ZNF469: variants seen among roughly 807,000 people sequenced by gnomAD.
The protein encoded by ZNF469 is zinc finger protein 469.
In ZNF469, 1 loss-of-function variant was observed where a neutral mutation model predicts 1.0. The observed-to-expected ratio is 1.00, with a 90% CI of 0.35 to 4.73. The LOEUF (loss-of-function observed/expected upper bound fraction) is 4.73. Among genes scored for constraint, ZNF469 ranks in the 30% most tolerant of loss-of-function variants. The pLI, the probability that ZNF469 is intolerant of heterozygous loss-of-function variation, is 0.16. For missense variants in ZNF469, 6,100 were observed against 5,356.3 expected (o/e 1.14, Z -4.33); for synonymous variants, 2,703 against 2,363.4 (o/e 1.14, Z -4.17).
At chr16:88,398,356 C>T (rs1213584966) in intron 1 of ZNF469, among the ~76,000 whole-genome samples, 1 of 151,774 alleles carries the variant, frequency 6.6e-6, no homozygotes. Context: ...ACACGTGAGC[C>T]ACGGATGAAG....
At chr16:88,120,534 G>T in the ZNF469 span, among the ~76,000 whole-genome samples, 1 of 152,262 alleles carries the variant, frequency 6.6e-6, no homozygotes, top group South Asian at 2.1e-4. Context: ...GGCAGTTGCA[G>T]GCGGCCGGAT....
At chr16:88,407,921 C>T (rs1373746594) in intron 1 of ZNF469, among the ~76,000 whole-genome samples, 4 of 152,238 alleles carry the variant, frequency 2.6e-5, no homozygotes, top group Non-Finnish European at 4.4e-5. Context: ...CATGCCTGCA[C>T]GTGTGTGCCT....
the ZNF469 span, among the ~76,000 whole-genome samples, chr16:88,238,894 C>T: frequency 5.3e-5 from 8 of 152,216 alleles, no homozygotes; most frequent in African/African-American, 1.7e-4. Context: ...TGCCCCTCAG[C>T]CTTGTGGAGA....
intron 1 of ZNF469, among the ~76,000 whole-genome samples, chr16:88,420,175 A>T (rs1252668578): frequency 6.6e-6 from 1 of 152,228 alleles, no homozygotes; most frequent in Non-Finnish European, 1.5e-5. Flanking sequence ...CCTCGCCTGG[A>T]ACCCCACGCT....
the ZNF469 span, chr16:88,234,733 CG>C: frequency 6.6e-6 from 1 of 152,234 alleles, no homozygotes; most frequent in Non-Finnish European, 1.5e-5. Context: ...GCAGTGCTCT[CG>C]TCACAGAGCA....
the ZNF469 span, among the ~76,000 whole-genome samples, chr16:88,223,940 C>T: frequency 8.0e-4 from 122 of 152,208 alleles, no homozygotes; most frequent in Non-Finnish European, 4.6e-4. Flanking sequence ...GAACATGTGC[C>T]GAATGAACGA....
the ZNF469 span, among the ~76,000 whole-genome samples, chr16:88,364,581 T>C: frequency 6.6e-6 from 1 of 151,736 alleles, no homozygotes; most frequent in Non-Finnish European, 1.5e-5. Context: ...TCAACGTCTT[T>C]CCATTAGAGT....
chr16:88,205,348 T>G, the ZNF469 span, among the ~76,000 whole-genome samples: 1 of 152,084 alleles, frequency 6.6e-6, no homozygotes, highest in East Asian at 1.9e-4. This position sits in a 1 kb window ranked among gnomAD's most constrained non-coding sequence, Gnocchi z 4.2. Context: ...TCGAGGAGGC[T>G]CCTAAAGGGT....
At chr16:88,109,423 C>T in the ZNF469 span, among the ~76,000 whole-genome samples, 11 of 152,258 alleles carry the variant, frequency 7.2e-5, no homozygotes, top group Admixed American at 1.3e-4. Context: ...GGCTTCTCCC[C>T]GGCAGCCTCC....
the ZNF469 span, among the ~76,000 whole-genome samples, chr16:88,201,181 C>A: frequency 6.6e-6 from 1 of 152,266 alleles, no homozygotes; most frequent in Non-Finnish European, 1.5e-5. The surrounding 1 kb of genome is among the most constrained non-coding windows in gnomAD (Gnocchi z 5.0). Context: ...ACCTCTTTTC[C>A]AGAACGGGGC....
chr16:88,259,404 G>C, the ZNF469 span, among the ~76,000 whole-genome samples: 1 of 152,178 alleles, frequency 6.6e-6, no homozygotes, highest in African/African-American at 2.4e-5. The surrounding 1 kb of genome is among the most constrained non-coding windows in gnomAD (Gnocchi z 4.1). Context: ...GTTTCCAGCC[G>C]GGCTGCTCAG....
At chr16:88,317,986 C>T in the ZNF469 span, among the ~76,000 whole-genome samples, 1 of 152,262 alleles carries the variant, frequency 6.6e-6, no homozygotes, top group Admixed American at 6.5e-5. Context: ...GGCCTTTCCT[C>T]CTGCTTCCTC....
chr16:88,379,830 T>C (rs748636515), upstream of ZNF469, among the ~76,000 whole-genome samples: 3 of 152,022 alleles, frequency 2.0e-5, no homozygotes, highest in Non-Finnish European at 2.9e-5. Flanking sequence ...AGGTTGCTAG[T>C]CCTCCCTGTG....
chr16:88,240,479 A>T, the ZNF469 span, among the ~76,000 whole-genome samples: 1 of 152,124 alleles, frequency 6.6e-6, no homozygotes, highest in Non-Finnish European at 1.5e-5. Flanking sequence ...GGGCATGCTG[A>T]CCGCCTGGCC....
the ZNF469 span, among the ~76,000 whole-genome samples, chr16:88,180,172 A>T: frequency 6.6e-6 from 1 of 152,218 alleles, no homozygotes; most frequent in Non-Finnish European, 1.5e-5. Context: ...CGGAAAAATT[A>T]TTTAAAAAGA....
chr16:88,206,031 G>T, the ZNF469 span, among the ~76,000 whole-genome samples: 1 of 152,184 alleles, frequency 6.6e-6, no homozygotes, highest in Non-Finnish European at 1.5e-5. Context: ...GGGCGCCCAG[G>T]CCTGCAGCCC....
At chr16:88,366,078 CA>C in the ZNF469 span, among the ~76,000 whole-genome samples, 3 of 122,908 alleles carry the variant, frequency 2.4e-5, no homozygotes, top group African/African-American at 9.9e-5. Flanking sequence ...GTGAGGCCAC[CA>C]TCATCACCAT....
chr16:88,433,212 G>A lies in ZNF469; in HGVS notation c.5742G>A (p.Lys1914=). Residue 1914 remains lysine, a synonymous_variant, in exon 3 of 3, where the codon AAG becomes AAA. Coordinates refer to ENST00000565624, the MANE Select transcript of ZNF469 (RefSeq NM_001367624.2). ...QLQLPGPGVA[K]SKDGILGLQE... Reference sequence around the variant, plus strand: ...AGCTCCCAGGGCCTGGAGTGGCTAAGAGTAAAGATGGCATCCTGGGCTTGC... The same window carrying A: ...AGCTCCCAGGGCCTGGAGTGGCTAAAAGTAAAGATGGCATCCTGGGCTTGC... 3.2e-6 allele frequency: 5 copies of A among 1,550,304 alleles called. No individual in the cohort carries two copies. Among genetic ancestry groups the A allele is most frequent in the Non-Finnish European group, 4.4e-6 (5 of 1,146,938 alleles).
chr16:88,438,149 C>G lies in ZNF469; in HGVS notation c.10679C>G (p.Ala3560Gly). The G allele has an allele frequency of 6.5e-7, 1 of 1,550,268 alleles. No individual in the cohort carries two copies. The highest frequency in any genetic ancestry group is 1.4e-5 in the African/African-American group (1 of 73,176). ...CCGCCGTCTCTGTCTCCCTTCCCAG[C>G]TGCCTTGGCTGATGGCAGAGGAGAC... ...CPPPSLSPFPAALADGRGDCA... is the reference protein window; with the variant it reads ...CPPPSLSPFPGALADGRGDCA... Residue 3560 changes from alanine to glycine, a missense_variant, in exon 3 of 3, where the codon GCT becomes GGT. Ala to Gly is a moderately conservative substitution (Grantham distance 60). Transcript: ENST00000565624.
Sources: allele counts gnomAD v4.1 joint callset (sites outside exome capture counted in the v4.1 genomes callset), GRCh38; gene constraint gnomAD v4.1.1; non-coding constraint Gnocchi (gnomAD v3.1); transcripts MANE v1.5; gene names NCBI Gene and HGNC (gene_info 2026-07-23, HGNC 2026-07-21).